The following LMBR1 variants were observed in gnomAD, a reference collection of about 807,000 sequenced individuals.
The protein encoded by LMBR1 is limb development membrane protein 1.
Under a neutral mutation model 73.9 loss-of-function variants are expected in LMBR1, and 52 were observed. The observed-to-expected ratio is 0.70, with a 90% CI of 0.56 to 0.89. The LOEUF (loss-of-function observed/expected upper bound fraction) is 0.89. LMBR1 is among the 40% of genes least tolerant of loss of function. LMBR1 has a pLI of 0.00. For synonymous variants in LMBR1, 215 were observed against 209.4 expected (o/e 1.03, Z -0.23); for missense variants, 539 against 579.8 (o/e 0.93, Z 0.72).
chr7:156,826,848 T>C (rs368896210), intron 3 of LMBR1, 104 bp from the exon 4 acceptor site: 3 of 1,085,244 alleles, frequency 2.8e-6, no homozygotes. Flanking sequence ...CAAAAAAGCA[T>C]TATATTAAGA....
downstream of LMBR1, among the ~76,000 whole-genome samples, chr7:156,673,048 G>T (rs1802934748): frequency 6.6e-6 from 1 of 152,210 alleles, no homozygotes; most frequent in Admixed American, 6.5e-5. Context: ...AGGAGCTGAG[G>T]CTGCGGGGTC....
At chr7:156,891,668 C>T (rs1403596449) in intron 1 of LMBR1, among the ~76,000 whole-genome samples, 9 of 152,028 alleles carry the variant, frequency 5.9e-5, no homozygotes, top group Non-Finnish European at 1.0e-4. Flanking sequence ...CCCAGGCTGA[C>T]CAGTCTCAAA....
Position 156,893,022 on chromosome 7 carries a change from C to A in LMBR1, c.-29G>T. 1 of 1,478,852 alleles carries A rather than the reference C, an allele frequency of 6.8e-7. No individual in the cohort carries two copies. Among genetic ancestry groups the A allele is most frequent in the Admixed American group, 2.2e-5 (1 of 44,454 alleles). The allele number at this position is 1,478,852 out of a possible 1,614,324, so 91.6% of individuals were successfully genotyped here. ...CCTTCATGCCCGCCGCCGCGCCGCC[C>A]GCGTCCGCGTGCTCCGCCACACCAT... is the stretch of plus-strand genomic sequence containing the variant. On this transcript the variant is annotated 5_prime_UTR_variant, in exon 1 of 17. Coordinates refer to ENST00000353442, the MANE Select transcript of LMBR1 (RefSeq NM_022458.4).
At chr7:156,867,477 T>C (rs1798627432) in intron 1 of LMBR1, among the ~76,000 whole-genome samples, 1 of 152,176 alleles carries the variant, frequency 6.6e-6, no homozygotes, top group Non-Finnish European at 1.5e-5. Flanking sequence ...ACAGCAGCAT[T>C]TTCATAAAAG....
At chr7:156,690,491 C>T (rs1233966614) in intron 15 of LMBR1, among the ~76,000 whole-genome samples, 1 of 152,168 alleles carries the variant, frequency 6.6e-6, no homozygotes, top group African/African-American at 2.4e-5. Flanking sequence ...CTGAATGCAT[C>T]ATCACGGTAA....
chr7:156,674,187 T>C (rs2131720008), downstream of LMBR1, among the ~76,000 whole-genome samples: 1 of 152,306 alleles, frequency 6.6e-6, no homozygotes, highest in East Asian at 1.9e-4. Flanking sequence ...ACAGTTCAGG[T>C]GTCCTGGCTT....
In LMBR1 at chr7:156,782,773, G is replaced by A. The variant is rs558054648; in HGVS notation, c.423+13616C>T. 7.2e-5 allele frequency among the ~76,000 whole-genome samples: 11 copies of A among 152,226 alleles called. No individual in the cohort carries two copies. In the East Asian group the frequency reaches 2.1e-3, roughly 29 times the overall value. ...TTGGCCGGGCTGGTCTCAAACTCTTGGCCTCAAGTGATCCTCCTGCCTCAG... is the reference window on the plus strand; with the variant it reads ...TTGGCCGGGCTGGTCTCAAACTCTTAGCCTCAAGTGATCCTCCTGCCTCAG... On this transcript the variant is annotated intron_variant, in intron 5 of 16. Coordinates refer to ENST00000353442, the MANE Select transcript of LMBR1 (RefSeq NM_022458.4).
At position 156,833,784 on chromosome 7, in the gene LMBR1, C is replaced by T; in HGVS notation, c.148G>A (p.Glu50Lys). The change falls in exon 3 of 17, where the codon GAA becomes AAA. Residue 50 changes from glutamate to lysine, a missense_variant. Transcript: ENST00000353442. ...CTGTTGACGATGGCATCTTCATCTT[C>T]TTGTTCATCTGCAAAAATGTTTAAG... ...TRYKRKSDEQ[E>K]DEDAIVNRIS... The T allele has an allele frequency of 6.3e-7, 1 of 1,593,872 alleles. No individual in the cohort carries two copies. Among genetic ancestry groups the T allele is most frequent in the Non-Finnish European group, 8.6e-7 (1 of 1,169,102 alleles).
chr7:156,689,375 T>C (rs1370826709), intron 15 of LMBR1, among the ~76,000 whole-genome samples: 1 of 152,222 alleles, frequency 6.6e-6, no homozygotes, highest in Non-Finnish European at 1.5e-5. Context: ...TTAAGGGTGA[T>C]TTAAGGATTT....
At chr7:156,783,107 T>C (rs1003077630) in intron 5 of LMBR1, among the ~76,000 whole-genome samples, 1 of 152,228 alleles carries the variant, frequency 6.6e-6, no homozygotes, top group Admixed American at 6.5e-5. Flanking sequence ...AGAATTTTTA[T>C]TAGAATTGCA....
chr7:156,812,878 C>G (rs952236842), intron 4 of LMBR1, among the ~76,000 whole-genome samples: 1 of 152,166 alleles, frequency 6.6e-6, no homozygotes, highest in Non-Finnish European at 1.5e-5. Context: ...GAACACTGCT[C>G]AGCTCCACCT....
chr7:156,692,898 G>T (rs1807512517), intron 15 of LMBR1, among the ~76,000 whole-genome samples: 1 of 152,112 alleles, frequency 6.6e-6, no homozygotes, highest in Admixed American at 6.5e-5. Flanking sequence ...CTAGAGGAAA[G>T]ATAAAACTTG....
intron 3 of LMBR1, among the ~76,000 whole-genome samples, chr7:156,828,209 A>G (rs1242792018): frequency 1.3e-5 from 2 of 152,204 alleles, no homozygotes; most frequent in African/African-American, 4.8e-5. Context: ...ACATACACTT[A>G]GACTTACCTA....
intron 1 of LMBR1, among the ~76,000 whole-genome samples, chr7:156,844,536 G>C (rs1002130714): frequency 2.7e-5 from 4 of 150,936 alleles, no homozygotes; most frequent in African/African-American, 9.8e-5. Context: ...CCTTTGTCCA[G>C]GATGAAAGGA....
At chr7:156,864,894 G>A (rs1306758702) in intron 1 of LMBR1, among the ~76,000 whole-genome samples, 3 of 151,702 alleles carry the variant, frequency 2.0e-5, no homozygotes, top group Non-Finnish European at 2.9e-5. Context: ...TATTCAGGAG[G>A]CTGAGGCAGG....
At chr7:156,811,404 G>A (rs1273654759) in intron 4 of LMBR1, among the ~76,000 whole-genome samples, 2 of 151,830 alleles carry the variant, frequency 1.3e-5, no homozygotes, top group Admixed American at 6.6e-5. Flanking sequence ...GAGGTCAAGA[G>A]ATCAAAACCA....
intron 9 of LMBR1, chr7:156,736,552 G>A (rs1397847691): frequency 1.5e-5 from 7 of 456,800 alleles, no homozygotes; most frequent in African/African-American, 8.0e-5. Context: ...TAGCTGTCCA[G>A]CTTGTTCTTC....
At chr7:156,790,429 G>A (rs529247212) in intron 5 of LMBR1, among the ~76,000 whole-genome samples, 3 of 152,166 alleles carry the variant, frequency 2.0e-5, no homozygotes, top group African/African-American at 7.2e-5. Flanking sequence ...CAGTCAGTAA[G>A]AAGAGTGAAG....
In LMBR1 at chr7:156,717,742, A is replaced by AG. The variant is rs547793010; in HGVS notation, c.1225+6369dup. Among the ~76,000 whole-genome samples, 14 of 152,334 alleles carry AG rather than the reference A, an allele frequency of 9.2e-5. No individual in the cohort carries two copies. In the South Asian group the frequency reaches 2.9e-3, roughly 32 times the overall value. Reference sequence around the variant, plus strand: ...ACATTTTCTTCTTTTAACTCTCTCTAGGCAGCATAGGAAGTTAAGAGTCAT... The same window carrying AG: ...ACATTTTCTTCTTTTAACTCTCTCTAGGGCAGCATAGGAAGTTAAGAGTCAT... On this transcript the variant is annotated intron_variant, in intron 15 of 16. Transcript: ENST00000353442.
Sources: allele counts gnomAD v4.1 joint callset (sites outside exome capture counted in the v4.1 genomes callset), GRCh38; gene constraint gnomAD v4.1.1; transcripts MANE v1.5; gene names NCBI Gene and HGNC (gene_info 2026-07-23, HGNC 2026-07-21).